The following GPRIN2 variants were observed in gnomAD, a reference collection of about 807,000 sequenced individuals.
GPRIN2 encodes the protein G protein regulated inducer of neurite outgrowth 2.
In GPRIN2, 1 loss-of-function variant was observed where a neutral mutation model predicts 0.3. The observed-to-expected ratio is 3.90, with a 90% CI of 1.39 to 18.51. GPRIN2 has a LOEUF of 18.51. Ranked by LOEUF, GPRIN2 falls within the 30% of genes most tolerant of loss-of-function variation. GPRIN2 has a pLI of 0.11. For missense variants in GPRIN2, 880 were observed against 604.2 expected (o/e 1.46, Z -4.79); for synonymous variants, 361 against 258.6 (o/e 1.40, Z -3.80).
chr10:46,553,206 C>T (rs1277032781), intron 2 of GPRIN2, among the ~76,000 whole-genome samples: 1 of 152,312 alleles, frequency 6.6e-6, no homozygotes, highest in Non-Finnish European at 1.5e-5. Context: ...ACTGAGCAGG[C>T]CTATGCCTCG....
In GPRIN2 at chr10:46,543,249, G is replaced by A. The variant is rs1833037816; in HGVS notation, c.*6111C>T. ...CCTGGTGGGGGGAATGGCCAAGACC[G>A]CAAGAAGAGAGACTACTGTATGGAG... On this transcript the variant is annotated 3_prime_UTR_variant, in exon 3 of 3. Transcript: ENST00000374314. Among the ~76,000 whole-genome samples the A allele has an allele frequency of 2.1e-4, 32 of 152,398 alleles. No homozygotes were observed. In the South Asian group the frequency reaches 3.1e-3, roughly 15 times the overall value.
intron 2 of GPRIN2, among the ~76,000 whole-genome samples, chr10:46,552,794 T>C: frequency 6.6e-6 from 1 of 152,308 alleles, no homozygotes. Flanking sequence ...TGTGCAGCTC[T>C]GAACACAGCC....
Position 46,551,311 on chromosome 10 carries a change from T to A in GPRIN2, c.-6-569A>T, listed in dbSNP as rs1832197918. ...GAAAGTTCACAGGACGAGGGAGCAA[T>A]GACCAGAGGACACTGAGAATCACCC... On this transcript the variant is annotated intron_variant, in intron 2 of 2. Coordinates refer to ENST00000374314, the MANE Select transcript of GPRIN2 (RefSeq NM_001385282.1). The A allele has an allele frequency of 4.9e-6, 4 of 817,972 alleles. No homozygotes were observed. In the East Asian group the frequency reaches 5.0e-4, roughly 103 times the overall value. The allele number at this position is 817,972 out of a possible 1,614,324, so 50.7% of individuals were successfully genotyped here. A position where few individuals can be genotyped will look rare whatever the true frequency, so the allele number is the denominator to read the frequency against.
intron 2 of GPRIN2, among the ~76,000 whole-genome samples, chr10:46,553,874 G>C (rs1174798313): frequency 1.7e-4 from 26 of 152,420 alleles, no homozygotes; most frequent in Admixed American, 1.5e-3. Context: ...GGGCTCTGAG[G>C]GGAGTACTGG....
chr10:46,549,709 G>T lies in GPRIN2; in HGVS notation c.1028C>A (p.Ala343Glu). 1 of 1,613,920 alleles carries T rather than the reference G, an allele frequency of 6.2e-7. No homozygotes were observed. The highest frequency in any genetic ancestry group is 1.1e-5 in the South Asian group (1 of 91,080). Residue 343 changes from alanine (A) to glutamate (E), a missense_variant, in exon 3 of 3, where the codon GCG becomes GAG. Ala to Glu is a moderately radical substitution (Grantham distance 107). Coordinates refer to ENST00000374314, the MANE Select transcript of GPRIN2 (RefSeq NM_001385282.1). Reference sequence around the variant, plus strand: ...ACTGGTGGCCACAGCCTTGCAGGCCGCCACTGGGGCCGCCTGCACACCAGC... The same window carrying T: ...ACTGGTGGCCACAGCCTTGCAGGCCTCCACTGGGGCCGCCTGCACACCAGC... Reference protein sequence around the residue: ...QDAGVQAAPVAACKAVATSPS... With the variant: ...QDAGVQAAPVEACKAVATSPS...
rs887280792 is a variant in GPRIN2 at position 46,556,567 on chromosome 10, C to T, written c.-187G>A. On this transcript the variant is annotated 5_prime_UTR_variant, in exon 1 of 3. Coordinates refer to ENST00000374314, the MANE Select transcript of GPRIN2 (RefSeq NM_001385282.1). ...TGCGGCCGCCACAGGTGCCAGGTGC[C>T]GCGGCCCAAGATGGAGCCAGAGCCG... 1.1e-4 allele frequency among the ~76,000 whole-genome samples: 17 copies of T among 152,184 alleles called. No individual in the cohort carries two copies. Among genetic ancestry groups the T allele is most frequent in the Admixed American group, 3.9e-4 (6 of 15,282 alleles).
chr10:46,552,054 G>T (rs1832148177), intron 2 of GPRIN2, among the ~76,000 whole-genome samples: 626 of 152,050 alleles, frequency 4.1e-3, no homozygotes, highest in African/African-American at 0.014. Context: ...GGAGGGCACT[G>T]AGTGCCAAAA....
In GPRIN2 at chr10:46,545,942, C is replaced by A. The variant is rs1307131465; in HGVS notation, c.*3418G>T. ...TGGATCCTATATATCCAGATTCAAACTCCAGCTTTAGCCCACTAAGCTACG... is the reference window on the plus strand; with the variant it reads ...TGGATCCTATATATCCAGATTCAAAATCCAGCTTTAGCCCACTAAGCTACG... On this transcript the variant is annotated 3_prime_UTR_variant, in exon 3 of 3. Transcript: ENST00000374314. Among the ~76,000 whole-genome samples, 1 of 152,310 alleles carries A rather than the reference C, an allele frequency of 6.6e-6. No homozygotes were observed. The highest frequency in any genetic ancestry group is 1.9e-4 in the East Asian group (1 of 5,208).
chr10:46,551,498 C>A, intron 2 of GPRIN2: 1 of 985,520 alleles, frequency 1.0e-6, no homozygotes, highest in Non-Finnish European at 1.2e-6. Flanking sequence ...ATTGATTCCA[C>A]AGCATCTCCT....
rs1842028476 is a variant in GPRIN2, at chr10:46,544,984, GTC to G, written c.*4374_*4375del. Among the ~76,000 whole-genome samples the G allele has an allele frequency of 6.6e-6, 1 of 152,296 alleles. No individual in the cohort carries two copies. The highest frequency in any genetic ancestry group is 6.5e-5 in the Admixed American group (1 of 15,292). On this transcript the variant is annotated 3_prime_UTR_variant, in exon 3 of 3. Coordinates refer to ENST00000374314, the MANE Select transcript of GPRIN2 (RefSeq NM_001385282.1). ...TTGGATGAAAACTGATAAAGGACTT[GTC>G]ATAGCTTCAGATGGCAAAACCAGGC...
At position 46,546,870 on chromosome 10, in the gene GPRIN2, T is replaced by G. The variant is rs1842205059; in HGVS notation, c.*2490A>C. On this transcript the variant is annotated 3_prime_UTR_variant, in exon 3 of 3. Coordinates refer to ENST00000374314, the MANE Select transcript of GPRIN2 (RefSeq NM_001385282.1). ...CACAGGTGTTGGATTTCAGCACCGC[T>G]CTGCAAATACTCATCTCAGTGACGA... Among the ~76,000 whole-genome samples the G allele has an allele frequency of 6.6e-6, 1 of 152,310 alleles. No individual in the cohort carries two copies. Among genetic ancestry groups the G allele is most frequent in the Non-Finnish European group, 1.5e-5 (1 of 68,058 alleles).
chr10:46,553,767 A>C (rs1832029170), intron 2 of GPRIN2, among the ~76,000 whole-genome samples: 2 of 152,428 alleles, frequency 1.3e-5, no homozygotes, highest in African/African-American at 4.8e-5. Flanking sequence ...CAGCTCAGAA[A>C]TGTCAAAGAA....
chr10:46,550,220 C>T lies in GPRIN2; in HGVS notation c.517G>A (p.Glu173Lys), dbSNP rs1254548711. The T allele has an allele frequency of 6.2e-7, 1 of 1,604,256 alleles. No individual in the cohort carries two copies. Among genetic ancestry groups the T allele is most frequent in the Non-Finnish European group, 8.5e-7 (1 of 1,174,834 alleles). The change falls in exon 3 of 3, where the codon GAA becomes AAA. Residue 173 changes from glutamate to lysine, a missense_variant. Transcript: ENST00000374314. ...TCATCCTCAGGAGCCAGGTCCCTTT[C>T]CAGGCCTGCAGGGGCCTGGCCACCC... ...GQGGQAPAGL[E>K]RDLAPEDETS...
chr10:46,542,250 C>T lies in GPRIN2; in HGVS notation c.*7110G>A, dbSNP rs1452715198. 3.3e-5 allele frequency among the ~76,000 whole-genome samples: 5 copies of T among 152,422 alleles called. No homozygotes were observed. Among genetic ancestry groups the T allele is most frequent in the Admixed American group, 6.5e-5 (1 of 15,314 alleles). On this transcript the variant is annotated 3_prime_UTR_variant, in exon 3 of 3. Transcript: ENST00000374314. ...GAGAATTCTACCCCTCCCAGGGTTC[C>T]AGCCCCAACAGAGGCTCCCTGCTTG...
Position 46,548,484 on chromosome 10 carries a change from T to A in GPRIN2, c.*876A>T, listed in dbSNP as rs1422007260. On this transcript the variant is annotated 3_prime_UTR_variant, in exon 3 of 3. Coordinates refer to ENST00000374314, the MANE Select transcript of GPRIN2 (RefSeq NM_001385282.1). ...CAATTTTAGGCTTTGTAACTGAGAT[T>A]AGGGCAGGTGGCCACCCATTCTCCC... 6.6e-6 allele frequency among the ~76,000 whole-genome samples: 1 copy of A among 152,310 alleles called. No individual in the cohort carries two copies. The highest frequency in any genetic ancestry group is 2.4e-5 in the African/African-American group (1 of 41,488).
In GPRIN2 at chr10:46,550,241, C is replaced by T. The variant is rs1832438972; in HGVS notation, c.496G>A (p.Gly166Ser). 6.2e-7 allele frequency: 1 copy of T among 1,608,436 alleles called. No individual in the cohort carries two copies. Among genetic ancestry groups the T allele is most frequent in the Non-Finnish European group, 8.5e-7 (1 of 1,176,792 alleles). Residue 166 changes from glycine to serine, a missense_variant, in exon 3 of 3, where the codon GGC (glycine) becomes AGC (serine). Transcript: ENST00000374314. ...CTTTCCAGGCCTGCAGGGGCCTGGC[C>T]ACCCTGGCCAGAAGTACCACCTGGC... is the stretch of plus-strand genomic sequence containing the variant. The part of the protein sequence containing the change: ...LQPGGTSGQG[G>S]QAPAGLERDL...
rs1337821170 is a variant in GPRIN2 at position 46,544,217 on chromosome 10, G to A, written c.*5143C>T. The stretch of plus-strand genomic sequence containing the variant: ...CCAGAAACCACACAGAGGAGCCCGG[G>A]TGTGCCAGAAACAGCCTTTCATAAT... On this transcript the variant is annotated 3_prime_UTR_variant, in exon 3 of 3. Transcript: ENST00000374314. 6.6e-6 allele frequency among the ~76,000 whole-genome samples: 1 copy of A among 152,310 alleles called. No homozygotes were observed. Among genetic ancestry groups the A allele is most frequent in the East Asian group, 1.9e-4 (1 of 5,208 alleles).
chr10:46,556,936 C>T (rs1318255681), upstream of GPRIN2, among the ~76,000 whole-genome samples: 1 of 152,302 alleles, frequency 6.6e-6, no homozygotes, highest in Non-Finnish European at 1.5e-5. Context: ...ACCCCACCGT[C>T]CCGGGTGTAT....
At position 46,548,699 on chromosome 10, in the gene GPRIN2, A is replaced by G. The variant is rs1832791235; in HGVS notation, c.*661T>C. ...TGAGCTCAGTAAATTCTCCTCATAC[A>G]TGACTGCACTGACTGGACCGGGCAC... On this transcript the variant is annotated 3_prime_UTR_variant, in exon 3 of 3. Transcript: ENST00000374314. 3.3e-5 allele frequency among the ~76,000 whole-genome samples: 5 copies of G among 152,310 alleles called. No homozygotes were observed. The highest frequency in any genetic ancestry group is 6.5e-5 in the Admixed American group (1 of 15,294).
Sources: gnomAD v4.1 joint callset for allele counts (sites outside exome capture counted in the v4.1 genomes callset) on GRCh38, gnomAD v4.1.1 for gene constraint, MANE v1.5 for transcripts, NCBI Gene and HGNC (gene_info 2026-07-23, HGNC 2026-07-21) for gene names.